Variants in NCOA1 observed in about 807,000 individuals in gnomAD.
The protein encoded by NCOA1 is Hin-2 protein.
NCOA1 carries 35 observed loss-of-function variants against 150.9 expected under a neutral mutation model. That is an observed-to-expected ratio of 0.23 (90% CI 0.18 to 0.31). The LOEUF is 0.31. Ranked by LOEUF, NCOA1 falls within the 10% of genes least tolerant of loss-of-function variation. The probability of loss-of-function intolerance (pLI) is 1.00; values close to 1 mark genes in which losing one functional copy is unlikely to be tolerated. For missense variants in NCOA1, 1,491 were observed against 1,749.3 expected, an observed-to-expected ratio of 0.85 and a Z score of 2.63; for synonymous variants, 590 against 630.0, an observed-to-expected ratio of 0.94 and a Z score of 0.95.
chr2:24,506,358 T>TCTCA (rs1663695043), intron 1 of NCOA1, among the ~76,000 whole-genome samples: 3 of 152,180 alleles, frequency 2.0e-5, no homozygotes, highest in Admixed American at 1.3e-4. Context: ...GGGGTACATG[T>TCTCA]CTCAGTTGGA....
intron 3 of NCOA1, among the ~76,000 whole-genome samples, chr2:24,598,973 G>A (rs551185996): frequency 2.0e-5 from 3 of 152,264 alleles, no homozygotes; most frequent in Admixed American, 2.0e-4. Flanking sequence ...CCAAGTACAG[G>A]AGATGAGGAC....
At chr2:24,556,547 C>A (rs1011117243) in intron 1 of NCOA1, among the ~76,000 whole-genome samples, 2 of 151,982 alleles carry the variant, frequency 1.3e-5, no homozygotes, top group African/African-American at 4.8e-5. Context: ...AAAAGGCAAC[C>A]CCATTAAAAA....
intron 1 of NCOA1, among the ~76,000 whole-genome samples, chr2:24,527,458 G>A (rs971708884): frequency 5.9e-5 from 9 of 151,964 alleles, no homozygotes; most frequent in Admixed American, 5.2e-4. Context: ...TGTCTTCCAG[G>A]TTCATCCGTG....
intron 12 of NCOA1, 26 bp from the exon 13 acceptor site, chr2:24,706,542 G>T: frequency 6.4e-7 from 1 of 1,550,858 alleles, no homozygotes; most frequent in South Asian, 1.2e-5. Flanking sequence ...GAAGATGTTT[G>T]AATAATAATG....
At chr2:24,588,024 C>T (rs1026832592) in intron 3 of NCOA1, among the ~76,000 whole-genome samples, 2 of 152,156 alleles carry the variant, frequency 1.3e-5, no homozygotes, top group Non-Finnish European at 2.9e-5. Flanking sequence ...CATGGCTGAC[C>T]ATGGGACTCT....
chr2:24,631,490 G>A (rs1415393373), intron 3 of NCOA1, among the ~76,000 whole-genome samples: 2 of 152,104 alleles, frequency 1.3e-5, no homozygotes, highest in South Asian at 2.1e-4. Flanking sequence ...GTATACCGGG[G>A]TGAGAGAATT....
intron 1 of NCOA1, among the ~76,000 whole-genome samples, chr2:24,560,770 A>G (rs1011491323): frequency 6.6e-6 from 1 of 152,208 alleles, no homozygotes; most frequent in East Asian, 1.9e-4. Flanking sequence ...TATGAGCATA[A>G]TGGTTGTTGA....
chr2:24,714,945 A>G (rs1182027304), intron 14 of NCOA1, among the ~76,000 whole-genome samples: 4 of 152,138 alleles, frequency 2.6e-5, no homozygotes, highest in Non-Finnish European at 5.9e-5. Flanking sequence ...AAAATGACAC[A>G]TTATGTCAGA....
chr2:24,604,082 A>G (rs1037590168), intron 3 of NCOA1, among the ~76,000 whole-genome samples: 10 of 152,316 alleles, frequency 6.6e-5, no homozygotes, highest in African/African-American at 1.9e-4. Context: ...GGCCAGGTGC[A>G]TTGTGAATGA....
intron 11 of NCOA1, among the ~76,000 whole-genome samples, chr2:24,701,746 C>T (rs543367928): frequency 6.6e-6 from 1 of 152,330 alleles, no homozygotes; most frequent in South Asian, 2.1e-4. Flanking sequence ...CATGGTGGCT[C>T]ACGCCAGTAA....
At chr2:24,701,836 C>T (rs763649298) in intron 11 of NCOA1, among the ~76,000 whole-genome samples, 130 of 152,158 alleles carry the variant, frequency 8.5e-4, no homozygotes, top group Non-Finnish European at 1.3e-3. Context: ...CATGGCGAAA[C>T]CCTGTCCTAT....
rs565784737 is a variant in NCOA1, at chr2:24,712,064, ATT to A, written c.2599+957_2599+958del. Among the ~76,000 whole-genome samples, 195 of 152,344 alleles carry A rather than the reference ATT, an allele frequency of 1.3e-3. 1 individual carries two copies. Among genetic ancestry groups the A allele is most frequent in the Admixed American group, 2.9e-3 (44 of 15,300 alleles). ...GAATAATCTTGAATCCATCTGTGAC[ATT>A]TTTGGAGGCAGTATTTTAGCTGACC... On this transcript the variant is annotated intron_variant, in intron 14 of 22. Coordinates refer to ENST00000348332, the MANE Select transcript of NCOA1 (RefSeq NM_003743.5).
At chr2:24,538,803 G>C (rs1485710038) in intron 1 of NCOA1, among the ~76,000 whole-genome samples, 1 of 152,120 alleles carries the variant, frequency 6.6e-6, no homozygotes, top group East Asian at 1.9e-4. Flanking sequence ...GGGAGAGAAA[G>C]ATGAAGAAAA....
intron 1 of NCOA1, among the ~76,000 whole-genome samples, chr2:24,552,359 T>A (rs1278904417): frequency 3.7e-3 from 213 of 57,278 alleles, no homozygotes; most frequent in Middle Eastern, 8.9e-3. Context: ...ATATATTTTT[T>A]TTTTTTTTTT....
rs773857143 is a variant in NCOA1 at position 24,765,896 on chromosome 2, C to CTTTTTTTTTTTTTT, written c.4156-2319_4156-2306dup. Among the ~76,000 whole-genome samples the CTTTTTTTTTTTTTT allele has an allele frequency of 8.1e-3, 1,040 of 127,874 alleles. 21 individuals carry two copies. Among genetic ancestry groups the CTTTTTTTTTTTTTT allele is most frequent in the Non-Finnish European group, 9.0e-3 (545 of 60,544 alleles). 83.9% of individuals were successfully genotyped at this position (127,874 alleles called of 152,430 possible). A position where few individuals can be genotyped will look rare whatever the true frequency, so the allele number is the denominator to read the frequency against. On this transcript the variant is annotated intron_variant, in intron 22 of 22. Transcript: ENST00000348332. ...AGTTTTCTGTAATTTCAATAATACA[C>CTTTTTTTTTTTTTT]TTTTTTTTTTTTTTTTTTTGAGACG...
intron 3 of NCOA1, among the ~76,000 whole-genome samples, chr2:24,600,031 A>G (rs961390104): frequency 2.0e-5 from 3 of 151,900 alleles, no homozygotes; most frequent in African/African-American, 7.3e-5. Context: ...CCGATTAATC[A>G]TTTTTATATG....
At chr2:24,516,997 C>CATATACTATATAT (rs1572372557) in intron 1 of NCOA1, among the ~76,000 whole-genome samples, 1 of 16,218 alleles carries the variant, frequency 6.2e-5, no homozygotes, top group Non-Finnish European at 3.0e-4. Context: ...TATATATACA[C>CATATACTATATAT]ACGCGCGCAC....
intron 3 of NCOA1, among the ~76,000 whole-genome samples, chr2:24,596,484 A>T (rs1179591989): frequency 6.6e-6 from 1 of 152,106 alleles, no homozygotes; most frequent in Non-Finnish European, 1.5e-5. Flanking sequence ...TCCTAATTTA[A>T]ATATAGGACC....
intron 3 of NCOA1, among the ~76,000 whole-genome samples, chr2:24,607,101 G>A (rs1299248566): frequency 6.6e-6 from 1 of 151,882 alleles, no homozygotes; most frequent in South Asian, 2.1e-4. Flanking sequence ...AAATTATTTG[G>A]TGTCAGACAG....
Sources: allele counts gnomAD v4.1 joint callset (sites outside exome capture counted in the v4.1 genomes callset), GRCh38; gene constraint gnomAD v4.1.1; transcripts MANE v1.5; gene names NCBI Gene and HGNC (gene_info 2026-07-23, HGNC 2026-07-21).